Variants in TMEM242 observed in about 807,000 individuals in gnomAD.
TMEM242 encodes the protein UPF0463 transmembrane protein C6orf35.
In TMEM242, 10 loss-of-function variants were observed where a neutral mutation model predicts 18.2. The ratio of observed to expected loss-of-function variants is 0.55; its 90% CI spans 0.34 to 0.93. The LOEUF is 0.93. Among genes scored for constraint, TMEM242 ranks in the 40% least tolerant of loss-of-function variants. The pLI is 0.02. For missense variants in TMEM242, 186 were observed against 175.5 expected (o/e 1.06, Z -0.34); for synonymous variants, 57 against 69.9 (o/e 0.81, Z 0.92).
In TMEM242 at chr6:157,312,454, G is replaced by C. The variant is rs1281878217; in HGVS notation, c.327+6328C>G. ...CAGTGTGCACTCACCGAGCCTCATAGTGCCCCAGCGTGCACTCACCTAGCC... is the reference window on the plus strand; with the variant it reads ...CAGTGTGCACTCACCGAGCCTCATACTGCCCCAGCGTGCACTCACCTAGCC... On this transcript the variant is annotated intron_variant, in intron 3 of 3. Coordinates refer to ENST00000400788, the MANE Select transcript of TMEM242 (RefSeq NM_018452.6). 7.0e-4 allele frequency among the ~76,000 whole-genome samples: 20 copies of C among 28,472 alleles called. 1 individual carries two copies. In the East Asian group the frequency reaches 0.028, roughly 40 times the overall value. 18.7% of individuals were successfully genotyped at this position (28,472 alleles called of 152,430 possible).
At chr6:157,295,365 T>TG (rs1439166624) in intron 3 of TMEM242, among the ~76,000 whole-genome samples, 4 of 152,248 alleles carry the variant, frequency 2.6e-5, no homozygotes, top group Non-Finnish European at 5.9e-5. Context: ...CTTTTGTAGT[T>TG]GAAAAACAGA....
intron 3 of TMEM242, among the ~76,000 whole-genome samples, chr6:157,313,529 GGCGTCATCATAGTGCCCCAGTGTT>G (rs1778282586): frequency 5.7e-5 from 1 of 17,460 alleles, no homozygotes; most frequent in Non-Finnish European, 1.4e-4. Flanking sequence ...GCAGTCATCT[GGCGTCATCATAGTGCCCCAGTGTT>G]CGCTCACCTA....
At chr6:157,312,901 C>CAAGTGAGCGCT (rs1778226776) in intron 3 of TMEM242, among the ~76,000 whole-genome samples, 1 of 151,956 alleles carries the variant, frequency 6.6e-6, no homozygotes, top group African/African-American at 2.4e-5. Context: ...TCATAGTGTC[C>CAAGTGAGCGCT]CACTGTGCGC....
intron 3 of TMEM242, among the ~76,000 whole-genome samples, chr6:157,301,658 A>T (rs1424351471): frequency 6.6e-6 from 1 of 152,186 alleles, no homozygotes. Context: ...CCAGGGCTGG[A>T]CGCAGTGGCT....
Position 157,308,481 on chromosome 6 carries a change from A to G in TMEM242, c.327+10301T>C, listed in dbSNP as rs186359332. Among the ~76,000 whole-genome samples the G allele has an allele frequency of 2.5e-3, 385 of 152,326 alleles. 7 individuals carry two copies. The highest frequency in any genetic ancestry group is 1.1e-3 in the Non-Finnish European group (75 of 68,036). ...TACTGTCCTAGAGGAAAGATACAAT[A>G]TTACTTCCCTTAAAGATTCTCTTGT... On this transcript the variant is annotated intron_variant, in intron 3 of 3. Coordinates refer to ENST00000400788, the MANE Select transcript of TMEM242 (RefSeq NM_018452.6).
rs1054903347 is a variant in TMEM242 at position 157,305,905 on chromosome 6, G to A, written c.327+12877C>T. 7.2e-5 allele frequency among the ~76,000 whole-genome samples: 11 copies of A among 152,188 alleles called. No homozygotes were observed. The highest frequency in any genetic ancestry group is 1.0e-4 in the Non-Finnish European group (7 of 68,046). On this transcript the variant is annotated intron_variant, in intron 3 of 3. Coordinates refer to ENST00000400788, the MANE Select transcript of TMEM242 (RefSeq NM_018452.6). This position sits in a 1 kb window ranked among gnomAD's most constrained non-coding sequence, Gnocchi z 4.1. ...ACTGAGAGCAGGAAGGGGAGGAAGT[G>A]GAGGCAGTGACCACAGACAACTCTT... is the stretch of plus-strand genomic sequence containing the variant.
intron 3 of TMEM242, among the ~76,000 whole-genome samples, chr6:157,313,102 G>A (rs1554249615): frequency 7.0e-6 from 1 of 142,694 alleles, no homozygotes; most frequent in Admixed American, 7.0e-5. Context: ...TCATCAAAGT[G>A]TCCCAGTGTG....
chr6:157,318,524 A>G (rs1396475260), intron 3 of TMEM242: 4 of 470,934 alleles, frequency 8.5e-6, no homozygotes, highest in Non-Finnish European at 1.1e-5. Flanking sequence ...CACTCGCCCT[A>G]ATGTCAATTT....
At position 157,313,260 on chromosome 6, in the gene TMEM242, C is replaced by T. The variant is rs1291628257; in HGVS notation, c.327+5522G>A. Among the ~76,000 whole-genome samples, 185 of 149,922 alleles carry T rather than the reference C, an allele frequency of 1.2e-3. 3 individuals carry two copies. Among genetic ancestry groups the T allele is most frequent in the African/African-American group, 4.4e-3 (178 of 40,212 alleles). ...AGTGTCGCAGAGTGTGCTCACCTGGCCTCATCATAGTGTCCCAGTGTGCGC... is the reference window on the plus strand; with the variant it reads ...AGTGTCGCAGAGTGTGCTCACCTGGTCTCATCATAGTGTCCCAGTGTGCGC... On this transcript the variant is annotated intron_variant, in intron 3 of 3. Coordinates refer to ENST00000400788, the MANE Select transcript of TMEM242 (RefSeq NM_018452.6).
intron 3 of TMEM242, among the ~76,000 whole-genome samples, chr6:157,314,947 T>C (rs897645595): frequency 9.2e-5 from 14 of 152,240 alleles, no homozygotes; most frequent in African/African-American, 1.9e-4. Context: ...CCCTTTTGTA[T>C]TGGAACTGGG....
In TMEM242 at chr6:157,323,418, C is replaced by A. The variant is rs782680602; in HGVS notation, c.82G>T (p.Val28Phe). The change falls in exon 1 of 4, where the codon GTT becomes TTT. Residue 28 changes from valine to phenylalanine, a missense_variant. Physicochemically the swap from Val to Phe is conservative, Grantham distance 50. Coordinates refer to ENST00000400788, the MANE Select transcript of TMEM242 (RefSeq NM_018452.6). ...PGSTNDRLFL[V>F]KGGIFLGTVA... ...TCACCACAGCACATCTTACCTTTAA[C>A]CAGGAAAAGCCGGTCATTCGTGGAC... 1 of 1,614,106 alleles carries A rather than the reference C, an allele frequency of 6.2e-7. No individual in the cohort carries two copies. Among genetic ancestry groups the A allele is most frequent in the Non-Finnish European group, 8.5e-7 (1 of 1,179,972 alleles).
chr6:157,313,519 G>C (rs1778280748), intron 3 of TMEM242, among the ~76,000 whole-genome samples: 2 of 99,590 alleles, frequency 2.0e-5, no homozygotes, highest in South Asian at 6.5e-4. Flanking sequence ...ACCCCAGTGT[G>C]CAGTCATCTG....
intron 3 of TMEM242, among the ~76,000 whole-genome samples, chr6:157,306,432 T>C (rs1286598173): frequency 1.3e-5 from 2 of 152,172 alleles, no homozygotes; most frequent in African/African-American, 4.8e-5. Context: ...TGGTCAGGAA[T>C]GGCCACCTGG....
In TMEM242 at chr6:157,290,223, C is replaced by A. The variant is rs1309927072; in HGVS notation, c.*2678G>T. ...CTTAACACTCACCCAGTGGAAGCAA[C>A]AGCCTTACCGAAAGCCTCCTTAATG... On this transcript the variant is annotated 3_prime_UTR_variant, in exon 4 of 4. Coordinates refer to ENST00000400788, the MANE Select transcript of TMEM242 (RefSeq NM_018452.6). 1 of 152,194 alleles carries A rather than the reference C, an allele frequency of 6.6e-6. No individual in the cohort carries two copies. The highest frequency in any genetic ancestry group is 1.5e-5 in the Non-Finnish European group (1 of 68,032). 9.4% of individuals were successfully genotyped at this position (152,194 alleles called of 1,614,324 possible).
At chr6:157,297,304 T>G (rs1777763808) in intron 3 of TMEM242, among the ~76,000 whole-genome samples, 1 of 152,214 alleles carries the variant, frequency 6.6e-6, no homozygotes, top group African/African-American at 2.4e-5. Flanking sequence ...ACATTTACCA[T>G]GCATGTCTTG....
intron 3 of TMEM242, among the ~76,000 whole-genome samples, chr6:157,317,970 G>A (rs1212374888): frequency 6.6e-6 from 1 of 152,066 alleles, no homozygotes; most frequent in Admixed American, 6.6e-5. Context: ...CCAACCAGTT[G>A]TTTAAAAAAA....
rs587641035 is a variant in TMEM242, at chr6:157,309,904, C to A, written c.327+8878G>T. Among the ~76,000 whole-genome samples the A allele has an allele frequency of 2.6e-5, 4 of 152,086 alleles. No homozygotes were observed. In the South Asian group the frequency reaches 8.3e-4, roughly 32 times the overall value. Reference sequence around the variant, plus strand: ...ATCTGTAAATTCCTACTATACTAGGCATCATGAATGCATTCTCTAGAGGCC... The same window carrying A: ...ATCTGTAAATTCCTACTATACTAGGAATCATGAATGCATTCTCTAGAGGCC... On this transcript the variant is annotated intron_variant, in intron 3 of 3. Transcript: ENST00000400788.
chr6:157,295,934 T>C (rs1463788121), intron 3 of TMEM242, among the ~76,000 whole-genome samples: 5 of 152,202 alleles, frequency 3.3e-5, no homozygotes, highest in African/African-American at 1.2e-4. Flanking sequence ...TTTCAGCTCA[T>C]ACTGTTCATA....
At chr6:157,310,881 T>TGC in intron 3 of TMEM242, among the ~76,000 whole-genome samples, 1 of 151,340 alleles carries the variant, frequency 6.6e-6, no homozygotes, top group African/African-American at 2.4e-5. Context: ...AGTGCCCCAG[T>TGC]GTGCACTCAC....
Sources: gnomAD v4.1 joint callset for allele counts (sites outside exome capture counted in the v4.1 genomes callset) on GRCh38, gnomAD v4.1.1 for gene constraint, Gnocchi (gnomAD v3.1) non-coding constraint, MANE v1.5 for transcripts, NCBI Gene and HGNC (gene_info 2026-07-23, HGNC 2026-07-21) for gene names.